The following SUPT3H variants were observed in gnomAD, a reference collection of about 807,000 sequenced individuals.
The protein encoded by SUPT3H is transcription initiation protein SPT3 homolog.
A neutral mutation model predicts 44.3 loss-of-function variants in SUPT3H; 44 were observed. That is an observed-to-expected ratio of 0.99 (90% CI 0.78 to 1.28). The LOEUF (loss-of-function observed/expected upper bound fraction) is 1.28, where lower values mean the gene tolerates loss of function less well. Among genes scored for constraint, SUPT3H ranks in the 50% most tolerant of loss-of-function variants. The pLI is 0.00. For synonymous variants in SUPT3H, 124 were observed against 125.6 expected, an observed-to-expected ratio of 0.99 and a Z score of 0.09; for missense variants, 380 against 387.1, an observed-to-expected ratio of 0.98 and a Z score of 0.15.
chr6:45,010,162 G>A (rs1783276643), intron 5 of SUPT3H, among the ~76,000 whole-genome samples: 3 of 151,976 alleles, frequency 2.0e-5, no homozygotes, highest in Non-Finnish European at 4.4e-5. Context: ...ATTAAAATAT[G>A]CTTGATTTTT....
intron 3 of SUPT3H, among the ~76,000 whole-genome samples, chr6:45,056,594 T>C (rs971699294): frequency 2.0e-5 from 3 of 152,138 alleles, no homozygotes; most frequent in African/African-American, 7.2e-5. Context: ...GTGAAGTAAC[T>C]CAGGAATGAA....
At chr6:45,273,272 C>T (rs1776501225) in intron 2 of SUPT3H, among the ~76,000 whole-genome samples, 1 of 152,212 alleles carries the variant, frequency 6.6e-6, no homozygotes, top group African/African-American at 2.4e-5. Context: ...GGATGGTCCG[C>T]TGCTGTGGGT....
intron 9 of SUPT3H, among the ~76,000 whole-genome samples, chr6:44,939,416 C>G (rs1354001306): frequency 6.6e-6 from 1 of 152,034 alleles, no homozygotes; most frequent in East Asian, 1.9e-4. Flanking sequence ...ATAAAACTCA[C>G]TCAACCATGG....
intron 3 of SUPT3H, among the ~76,000 whole-genome samples, chr6:45,050,854 C>T (rs1270393140): frequency 6.8e-6 from 1 of 147,690 alleles, no homozygotes; most frequent in Non-Finnish European, 1.5e-5. Context: ...TGCTGATGTC[C>T]TTGTGTGTAT....
At chr6:45,211,439 T>C (rs1246380750) in intron 2 of SUPT3H, among the ~76,000 whole-genome samples, 4 of 152,172 alleles carry the variant, frequency 2.6e-5, no homozygotes, top group Admixed American at 1.3e-4. Context: ...CTCTAAATTC[T>C]AAAAATCAAT....
chr6:44,887,203 C>G (rs973376184), intron 10 of SUPT3H, among the ~76,000 whole-genome samples: 60 of 152,158 alleles, frequency 3.9e-4, no homozygotes, highest in African/African-American at 5.3e-4. Flanking sequence ...ACATTAGACA[C>G]ATCAACGAGA....
chr6:45,175,816 G>C (rs1368338874), intron 2 of SUPT3H, among the ~76,000 whole-genome samples: 1 of 152,126 alleles, frequency 6.6e-6, no homozygotes, highest in African/African-American at 2.4e-5. Flanking sequence ...CTTATACTGA[G>C]AAACAGATAA....
chr6:44,927,900 G>A (rs886588998), intron 10 of SUPT3H, among the ~76,000 whole-genome samples: 4 of 152,056 alleles, frequency 2.6e-5, no homozygotes, highest in African/African-American at 9.7e-5. Flanking sequence ...ATTTGAGTGT[G>A]GTTGAGTGGA....
intron 9 of SUPT3H, among the ~76,000 whole-genome samples, chr6:44,938,191 TC>T (rs1771808752): frequency 6.6e-6 from 1 of 151,880 alleles, no homozygotes; most frequent in Non-Finnish European, 1.5e-5. Flanking sequence ...ACTTTGAGTA[TC>T]TTTTTATAGT....
chr6:45,328,797 A>T, intron 2 of SUPT3H: 3 of 1,611,394 alleles, frequency 1.9e-6, no homozygotes. Context: ...AAGTGTTACC[A>T]TTTTTAAAAT....
At chr6:45,221,501 C>T (rs1766050179) in intron 2 of SUPT3H, among the ~76,000 whole-genome samples, 1 of 152,034 alleles carries the variant, frequency 6.6e-6, no homozygotes, top group Non-Finnish European at 1.5e-5. Flanking sequence ...ATTATAATTA[C>T]TCCTAAGACA....
intron 2 of SUPT3H, among the ~76,000 whole-genome samples, chr6:45,151,274 TATTTTTA>T (rs1228328954): frequency 6.6e-6 from 1 of 152,126 alleles, no homozygotes; most frequent in Non-Finnish European, 1.5e-5. Flanking sequence ...TTTCATCTAG[TATTTTTA>T]ATTCAGTGTT....
At chr6:45,061,854 A>G (rs1792117268) in intron 3 of SUPT3H, among the ~76,000 whole-genome samples, 1 of 151,426 alleles carries the variant, frequency 6.6e-6, no homozygotes, top group African/African-American at 2.4e-5. Context: ...TTACACCCCA[A>G]AATCAATTGT....
chr6:45,328,790 T>TGTTA, intron 2 of SUPT3H: 3 of 1,611,770 alleles, frequency 1.9e-6, no homozygotes, highest in Non-Finnish European at 8.5e-7. Flanking sequence ...TTGGGGTAAG[T>TGTTA]GTTACCATTT....
chr6:45,021,258 A>G (rs1785094400), intron 3 of SUPT3H, among the ~76,000 whole-genome samples: 1 of 151,912 alleles, frequency 6.6e-6, no homozygotes, highest in Non-Finnish European at 1.5e-5. Flanking sequence ...TTACTGCACT[A>G]AAAGTTAGAT....
chr6:45,026,097 C>G (rs1481737260), intron 3 of SUPT3H, among the ~76,000 whole-genome samples: 4 of 152,114 alleles, frequency 2.6e-5, no homozygotes, highest in African/African-American at 7.2e-5. Flanking sequence ...AGGTTATCGC[C>G]TGGCTTAAAA....
intron 10 of SUPT3H, among the ~76,000 whole-genome samples, chr6:44,897,619 T>C (rs1764306695): frequency 6.6e-6 from 1 of 152,212 alleles, no homozygotes; most frequent in Non-Finnish European, 1.5e-5. Flanking sequence ...CTTCCATTTT[T>C]AGCTCTCTGT....
intron 10 of SUPT3H, among the ~76,000 whole-genome samples, chr6:44,844,227 C>T (rs1187183700): frequency 6.6e-6 from 1 of 152,120 alleles, no homozygotes; most frequent in Non-Finnish European, 1.5e-5. Flanking sequence ...TACCCCATAC[C>T]ATGTACAAAT....
At chr6:45,012,917 A>G (rs1783706970) in intron 5 of SUPT3H, among the ~76,000 whole-genome samples, 1 of 152,110 alleles carries the variant, frequency 6.6e-6, no homozygotes, top group Admixed American at 6.6e-5. Context: ...TGCAGCCTTG[A>G]GTATGCAAAC....
Sources: gnomAD v4.1 joint callset for allele counts (sites outside exome capture counted in the v4.1 genomes callset) on GRCh38, gnomAD v4.1.1 for gene constraint, MANE v1.5 for transcripts, NCBI Gene and HGNC (gene_info 2026-07-23, HGNC 2026-07-21) for gene names.